Variants in MROH2A observed in about 807,000 individuals in gnomAD.
MROH2A encodes the protein maestro heat like repeat family member 2A, also known as maestro heat-like repeat-containing protein family member 2A.
MROH2A carries 174 observed loss-of-function variants against 200.4 expected under a neutral mutation model. That is an observed-to-expected ratio of 0.87 (90% confidence interval 0.77 to 0.98). MROH2A has a LOEUF of 0.98. MROH2A is among the 50% of genes least tolerant of loss of function. MROH2A has a pLI of 0.00. For synonymous variants in MROH2A, 829 were observed against 840.4 expected (o/e 0.99, Z 0.23); for missense variants, 2,045 against 2,139.6 (o/e 0.96, Z 0.87).
chr2:233,830,328 TGCATG>T (rs1704639334), intron 38 of MROH2A, among the ~76,000 whole-genome samples: 1 of 152,166 alleles, frequency 6.6e-6, no homozygotes, highest in South Asian at 2.1e-4. Flanking sequence ...CCTCACTCCC[TGCATG>T]GCCCATGACC....
At chr2:233,824,056 C>T (rs942090833) in intron 35 of MROH2A, among the ~76,000 whole-genome samples, 21 of 152,138 alleles carry the variant, frequency 1.4e-4, no homozygotes, top group Admixed American at 1.3e-3. Flanking sequence ...GTTGGAGCGT[C>T]CTGAGGGCAA....
chr2:233,805,374 A>G (rs78118051), intron 19 of MROH2A, among the ~76,000 whole-genome samples: 1,647 of 152,360 alleles, frequency 0.011, 13 homozygotes, highest in Non-Finnish European at 0.018. Context: ...CCACATTGCT[A>G]CAAAATTCTA....
At chr2:233,801,027 G>A (rs1028728973) in intron 14 of MROH2A, among the ~76,000 whole-genome samples, 2 of 152,162 alleles carry the variant, frequency 1.3e-5, no homozygotes, top group Non-Finnish European at 2.9e-5. Context: ...ACTGTACTAG[G>A]TGTGCAACCT....
intron 12 of MROH2A, among the ~76,000 whole-genome samples, chr2:233,799,094 A>G (rs1702295513): frequency 6.6e-6 from 1 of 152,182 alleles, no homozygotes; most frequent in African/African-American, 2.4e-5. Flanking sequence ...GACCCAACAG[A>G]GGCCGAGTAA....
In MROH2A at chr2:233,798,812, C is replaced by T. The variant is rs941367297; in HGVS notation, c.1291C>T (p.Arg431Trp). The change falls in exon 12 of 42, where the codon CGG becomes TGG. Residue 431 changes from arginine (R) to tryptophan (W), a missense_variant. Transcript: ENST00000389758. ...MSIRAIYLAI[R>W]VVKNTISDTR... ...TATCAGGGCCATCTACCTGGCTATC[C>T]GGGTAGTCAAGAACACCATCTCTGA... 31 of 1,550,294 alleles carry T rather than the reference C, an allele frequency of 2.0e-5. No homozygotes were observed. Among genetic ancestry groups the T allele is most frequent in the African/African-American group, 1.1e-4 (8 of 72,994 alleles).
At chr2:233,817,211 C>G (rs990553556) in intron 27 of MROH2A, among the ~76,000 whole-genome samples, 1 of 152,180 alleles carries the variant, frequency 6.6e-6, no homozygotes, top group Non-Finnish European at 1.5e-5. Flanking sequence ...GCTGCAAAAT[C>G]ATAAATTTTG....
chr2:233,813,805 G>A, intron 25 of MROH2A, 27 bp downstream of exon 25: 1 of 1,329,064 alleles, frequency 7.5e-7, no homozygotes, highest in Non-Finnish European at 1.1e-6. Context: ...TGCCTCATTT[G>A]CTGGGTCAGG....
At chr2:233,814,531 GT>G in intron 25 of MROH2A, 50 bp from the exon 26 acceptor site, 1 of 1,373,634 alleles carries the variant, frequency 7.3e-7, no homozygotes, top group Non-Finnish European at 1.0e-6. Context: ...AGGGAGGGGG[GT>G]TGTGGGTGCC....
rs775870534 is a variant in MROH2A at position 233,831,538 on chromosome 2, C to A, written c.4732C>A (p.Leu1578Met). ...TTTCCAGACAACCATGTGCTCCATC[C>A]TGGTGAGGAAGCCAAAGGGGGAACC... ...TVFQTTMCSI[L>M]TRKKPAVLYR... The change falls in exon 39 of 42, where the codon CTG (leucine) becomes ATG (methionine). Residue 1578 changes from leucine (L) to methionine (M), a missense_variant and splice_region_variant. Physicochemically the swap from Leu to Met is conservative, Grantham distance 15. Around this residue, in one of 3 missense-constraint regions of MROH2A, gnomAD observed 1,201 missense variants for 1,311.3 expected, o/e 0.92. Coordinates refer to ENST00000389758, the MANE Select transcript of MROH2A (RefSeq NM_001394639.1). 5.2e-6 allele frequency: 8 copies of A among 1,549,152 alleles called. No individual in the cohort carries two copies. In the African/African-American group the frequency reaches 9.6e-5, roughly 19 times the overall value.
chr2:233,786,966 C>T lies in MROH2A; in HGVS notation c.277-2531C>T, dbSNP rs561007639. ...CATTTTCATTCCTATGTAGGAAACA[C>T]GTGCATTGTTATCAGTTTTCTAGGA... On this transcript the variant is annotated intron_variant, in intron 3 of 41. Transcript: ENST00000389758. Among the ~76,000 whole-genome samples, 5 of 152,214 alleles carry T rather than the reference C, an allele frequency of 3.3e-5. No individual in the cohort carries two copies. The East Asian group carries it at 5.8e-4, about 18-fold the overall frequency.
At chr2:233,817,959 T>A in intron 27 of MROH2A, 43 bp from the exon 28 acceptor site, 1 of 1,549,188 alleles carries the variant, frequency 6.5e-7, no homozygotes, top group Non-Finnish European at 8.7e-7. Context: ...CAGGTGTGCA[T>A]GAGAGCACAG....
intron 23 of MROH2A, 60 bp downstream of exon 23, chr2:233,810,976 G>A (rs767879487): frequency 2.2e-5 from 33 of 1,531,668 alleles, no homozygotes; most frequent in African/African-American, 8.3e-5. Flanking sequence ...AACTCCCTGC[G>A]GTGAGAGGTT....
At position 233,791,664 on chromosome 2, in the gene MROH2A, G is replaced by C. The variant is rs1043971272; in HGVS notation, c.572-1132G>C. ...CCAGCCCGGAGGGGTCCTGGCATTG[G>C]CAAGGCTCGGGAGGAGTCGTAAGAG... On this transcript the variant is annotated intron_variant, in intron 5 of 41. Transcript: ENST00000389758. 6.6e-5 allele frequency among the ~76,000 whole-genome samples: 10 copies of C among 152,176 alleles called. 1 individual carries two copies. Among genetic ancestry groups the C allele is most frequent in the African/African-American group, 2.2e-4 (9 of 41,450 alleles).
In MROH2A at chr2:233,789,995, C is replaced by G. The variant is rs1053707802; in HGVS notation, c.552C>G (p.Ala184=). 1 of 1,549,770 alleles carries G rather than the reference C, an allele frequency of 6.5e-7. No individual in the cohort carries two copies. Among genetic ancestry groups the G allele is most frequent in the Non-Finnish European group, 8.7e-7 (1 of 1,146,528 alleles). ...LTDEFVIITL[A]KLANGNVFEF... is the part of the protein sequence containing the mutation. ...ATGAATTTGTCATCATCACACTGGC[C>G]AAGCTGGCCAACGGCAATGGTAGGG... The change falls in exon 5 of 42, where the codon GCC becomes GCG. Residue 184 remains alanine (A), a synonymous_variant. Transcript: ENST00000389758.
chr2:233,796,692 A>T (rs1012970923), intron 11 of MROH2A, among the ~76,000 whole-genome samples: 1 of 152,156 alleles, frequency 6.6e-6, no homozygotes, highest in African/African-American at 2.4e-5. Context: ...CTCTAAACCT[A>T]GCCCTGAGAT....
chr2:233,793,838 C>G lies in MROH2A; in HGVS notation c.822+14C>G, dbSNP rs534135503. The G allele has an allele frequency of 7.2e-7, 1 of 1,385,490 alleles. No individual in the cohort carries two copies. The highest frequency in any genetic ancestry group is 9.4e-7 in the Non-Finnish European group (1 of 1,065,336). The allele number at this position is 1,385,490 out of a possible 1,614,324, so 85.8% of individuals were successfully genotyped here. ...TACAACCCCGAGGTGAGATGCACCCCTCTTAGGAGGGCCTGGTGGTCCCCA... is the reference window on the plus strand; with the variant it reads ...TACAACCCCGAGGTGAGATGCACCCGTCTTAGGAGGGCCTGGTGGTCCCCA... On this transcript the variant is annotated intron_variant, in intron 7 of 41. Coordinates refer to ENST00000389758, the MANE Select transcript of MROH2A (RefSeq NM_001394639.1).
At chr2:233,783,648 C>T (rs1373201613) in intron 3 of MROH2A, among the ~76,000 whole-genome samples, 8 of 151,964 alleles carry the variant, frequency 5.3e-5, no homozygotes, top group South Asian at 2.1e-4. Context: ...CGGGTTCAAG[C>T]GATTCTCCTG....
rs1704470746 is a variant in MROH2A at position 233,828,467 on chromosome 2, C to G, written c.4114-163C>G. The G allele has an allele frequency of 2.6e-6, 2 of 779,960 alleles. No homozygotes were observed. The highest frequency in any genetic ancestry group is 4.1e-6 in the Non-Finnish European group (2 of 490,292). 48.3% of individuals were successfully genotyped at this position (779,960 alleles called of 1,614,324 possible). A position where few individuals can be genotyped will look rare whatever the true frequency, so the allele number is the denominator to read the frequency against. On this transcript the variant is annotated intron_variant, in intron 35 of 41. Coordinates refer to ENST00000389758, the MANE Select transcript of MROH2A (RefSeq NM_001394639.1). The surrounding 1 kb of genome is among the most constrained non-coding windows in gnomAD (Gnocchi z 4.6). ...CCCCACACAGACCCTGAGGCAGGTA[C>G]TAGCATCACCCGCTTTTTATAGAGA...
chr2:233,790,922 G>A (rs1338036650), intron 5 of MROH2A, among the ~76,000 whole-genome samples: 1 of 152,190 alleles, frequency 6.6e-6, no homozygotes, highest in Non-Finnish European at 1.5e-5. Flanking sequence ...GGCTAAGGGA[G>A]GGGACCTCAT....
Sources: gnomAD v4.1 joint callset for allele counts (sites outside exome capture counted in the v4.1 genomes callset) on GRCh38, gnomAD v4.1.1 for gene constraint, gnomAD v4.1.1 regional missense constraint, Gnocchi (gnomAD v3.1) non-coding constraint, MANE v1.5 for transcripts, NCBI Gene and HGNC (gene_info 2026-07-23, HGNC 2026-07-21) for gene names.